The following CES5A variants were observed in gnomAD, a reference collection of about 807,000 sequenced individuals.
The protein encoded by CES5A is carboxylesterase 5.
CES5A carries 67 observed loss-of-function variants against 62.9 expected under a neutral mutation model. The observed-to-expected ratio is 1.07, with a 90% confidence interval of 0.88 to 1.31. The LOEUF is 1.31. Among genes scored for constraint, CES5A ranks in the 50% most tolerant of loss-of-function variants. CES5A has a pLI of 0.00. For missense variants in CES5A, 748 were observed against 708.5 expected (o/e 1.06, Z -0.63); for synonymous variants, 296 against 280.8 (o/e 1.05, Z -0.54).
intron 1 of CES5A, among the ~76,000 whole-genome samples, chr16:55,952,382 T>G (rs1303037123): frequency 6.6e-6 from 1 of 151,734 alleles, no homozygotes; most frequent in East Asian, 1.9e-4. Context: ...AAAAACAAAA[T>G]AAGCTCAGTG....
chr16:55,872,452 C>T (rs1368416766), intron 2 of CES5A, among the ~76,000 whole-genome samples: 5 of 152,286 alleles, frequency 3.3e-5, no homozygotes, highest in East Asian at 1.9e-4. Context: ...TGAGGTTGTG[C>T]GTGTGCATTA....
intron 1 of CES5A, among the ~76,000 whole-genome samples, chr16:55,882,145 T>G (rs1262646690): frequency 1.3e-5 from 2 of 152,164 alleles, no homozygotes; most frequent in Non-Finnish European, 2.9e-5. Context: ...TCAAACCTAC[T>G]GAGCTCATTG....
intron 2 of CES5A, chr16:55,949,768 C>A: frequency 1.5e-6 from 2 of 1,335,298 alleles, no homozygotes; most frequent in South Asian, 1.5e-5. Context: ...CTGGTAAATT[C>A]TTGTCAAACA....
At chr16:55,916,599 T>C (rs1442779372) in intron 1 of CES5A, among the ~76,000 whole-genome samples, 1 of 152,222 alleles carries the variant, frequency 6.6e-6, no homozygotes, top group East Asian at 1.9e-4. Flanking sequence ...GGCTCTGCCA[T>C]CAAACTTGCT....
At chr16:55,884,033 G>T (rs2033788138) in intron 1 of CES5A, among the ~76,000 whole-genome samples, 1 of 152,004 alleles carries the variant, frequency 6.6e-6, no homozygotes, top group African/African-American at 2.4e-5. Context: ...GAAAATATTT[G>T]CTCAGTACAC....
chr16:55,849,950 C>T (rs1283012557), intron 10 of CES5A, among the ~76,000 whole-genome samples, 177 bp from the exon 11 acceptor site: 1 of 152,208 alleles, frequency 6.6e-6, no homozygotes, highest in African/African-American at 2.4e-5. Flanking sequence ...GTGCTCATAT[C>T]CCTAGTGATG....
intron 10 of CES5A, among the ~76,000 whole-genome samples, chr16:55,850,334 C>T (rs1261511670): frequency 1.3e-5 from 2 of 152,172 alleles, no homozygotes; most frequent in Non-Finnish European, 2.9e-5. Flanking sequence ...AGAACCTTTT[C>T]ATCACCCCAA....
upstream of CES5A, among the ~76,000 whole-genome samples, chr16:55,926,171 C>T (rs2034255784): frequency 6.6e-6 from 1 of 151,940 alleles, no homozygotes; most frequent in South Asian, 2.1e-4. Context: ...ATGGACACAC[C>T]AAGTACAATG....
chr16:55,903,807 G>C (rs369949180), intron 1 of CES5A, among the ~76,000 whole-genome samples: 17 of 152,234 alleles, frequency 1.1e-4, no homozygotes, highest in African/African-American at 3.9e-4. Context: ...AAATTAACTG[G>C]CTTAAAGCCA....
chr16:55,941,331 A>C (rs541254573), intron 2 of CES5A, among the ~76,000 whole-genome samples: 5 of 152,242 alleles, frequency 3.3e-5, no homozygotes, highest in Non-Finnish European at 7.4e-5. Context: ...TCATATTGCT[A>C]TATATTAGCA....
chr16:55,897,465 G>A (rs2033945543), intron 1 of CES5A, among the ~76,000 whole-genome samples: 1 of 152,194 alleles, frequency 6.6e-6, no homozygotes, highest in Admixed American at 6.5e-5. Context: ...CTTTTCTTGA[G>A]GAATACTTGG....
chr16:55,872,680 T>C lies in CES5A; in HGVS notation c.279-917A>G, dbSNP rs749996000. Among the ~76,000 whole-genome samples the C allele has an allele frequency of 2.0e-5, 3 of 152,214 alleles. No homozygotes were observed. The South Asian group carries it at 6.2e-4, about 32-fold the overall frequency. Reference sequence around the variant, plus strand: ...CTCCTGACAGGTGTTTATGCCTCCTTGCCCCTTTGTATGTTGTTGATCAGG... The same window carrying C: ...CTCCTGACAGGTGTTTATGCCTCCTCGCCCCTTTGTATGTTGTTGATCAGG... On this transcript the variant is annotated intron_variant, in intron 2 of 12. Coordinates refer to ENST00000290567, the MANE Select transcript of CES5A (RefSeq NM_001143685.2).
At chr16:55,863,990 C>T (rs565306828) in intron 5 of CES5A, among the ~76,000 whole-genome samples, 2 of 152,242 alleles carry the variant, frequency 1.3e-5, no homozygotes, top group African/African-American at 4.8e-5. Context: ...CTCCTGACCA[C>T]TCACCTCAGC....
chr16:55,869,330 T>A (rs2033534110), intron 4 of CES5A: 2 of 341,430 alleles, frequency 5.9e-6, no homozygotes, highest in South Asian at 1.1e-4. Context: ...GAGCTCAAGA[T>A]GTGATGAGCC....
At chr16:55,908,937 C>T (rs1464122929) in intron 1 of CES5A, among the ~76,000 whole-genome samples, 2 of 152,220 alleles carry the variant, frequency 1.3e-5, no homozygotes, top group Admixed American at 6.5e-5. Flanking sequence ...CCTCCTTTCT[C>T]TCCATTCCAG....
intron 1 of CES5A, among the ~76,000 whole-genome samples, chr16:55,897,392 G>C (rs535723765): frequency 6.6e-6 from 1 of 152,126 alleles, no homozygotes; most frequent in Non-Finnish European, 1.5e-5. Context: ...GGGGAAAAAG[G>C]GTTCTAGGGC....
intron 2 of CES5A, among the ~76,000 whole-genome samples, chr16:55,940,910 A>G (rs1273702889): frequency 1.3e-5 from 2 of 151,904 alleles, no homozygotes; most frequent in Non-Finnish European, 2.9e-5. Context: ...ATACATCATC[A>G]TACGTAATCC....
chr16:55,866,257 C>A, intron 4 of CES5A, 141 bp from the exon 5 acceptor site: 5 of 660,764 alleles, frequency 7.6e-6, no homozygotes, highest in South Asian at 5.3e-5. Context: ...CTGGGGAAAC[C>A]GGACTCAGTT....
intron 8 of CES5A, among the ~76,000 whole-genome samples, chr16:55,858,174 A>G (rs2033281628): frequency 6.6e-6 from 1 of 152,330 alleles, no homozygotes; most frequent in African/African-American, 2.4e-5. Flanking sequence ...CTCCAGCCTC[A>G]GCAACAGAGA....
Sources: allele counts gnomAD v4.1 joint callset (sites outside exome capture counted in the v4.1 genomes callset), GRCh38; gene constraint gnomAD v4.1.1; transcripts MANE v1.5; gene names NCBI Gene and HGNC (gene_info 2026-07-23, HGNC 2026-07-21).